ST6GALNAC3: variants seen among roughly 807,000 people sequenced by gnomAD.
The protein encoded by ST6GALNAC3 is ST6 N-acetylgalactosaminide alpha-2,6-sialyltransferase 3.
In ST6GALNAC3, 25 loss-of-function variants were observed where a neutral mutation model predicts 32.7. The ratio of observed to expected loss-of-function variants is 0.76; its 90% CI spans 0.56 to 1.07. ST6GALNAC3 has a LOEUF of 1.07. Among genes scored for constraint, ST6GALNAC3 ranks in the 50% least tolerant of loss-of-function variants. The probability of loss-of-function intolerance (pLI) is 0.00; values close to 1 mark genes in which losing one functional copy is unlikely to be tolerated. For synonymous variants in ST6GALNAC3, 129 were observed against 133.1 expected, an observed-to-expected ratio of 0.97 and a Z score of 0.21; for missense variants, 355 against 382.4, an observed-to-expected ratio of 0.93 and a Z score of 0.60.
At chr1:76,490,813 G>C (rs930059442) in intron 3 of ST6GALNAC3, among the ~76,000 whole-genome samples, 1 of 151,828 alleles carries the variant, frequency 6.6e-6, no homozygotes, top group Non-Finnish European at 1.5e-5. Context: ...TGGGCCTGCA[G>C]TCTGGGAATA....
At chr1:76,227,683 G>A (rs1217114787) in intron 1 of ST6GALNAC3, among the ~76,000 whole-genome samples, 1 of 152,152 alleles carries the variant, frequency 6.6e-6, no homozygotes, top group East Asian at 1.9e-4. Context: ...TTGACTGTGC[G>A]AATTTCTGAC....
intron 1 of ST6GALNAC3, among the ~76,000 whole-genome samples, chr1:76,298,280 A>G (rs146137682): frequency 2.5e-4 from 38 of 152,164 alleles, no homozygotes; most frequent in Non-Finnish European, 4.9e-4. Flanking sequence ...GAGAAAATCT[A>G]TCTAAAAACT....
chr1:76,150,164 CT>C (rs372701598), intron 1 of ST6GALNAC3, among the ~76,000 whole-genome samples: 6 of 151,708 alleles, frequency 4.0e-5, no homozygotes, highest in East Asian at 3.9e-4. Context: ...CTACCCCTGC[CT>C]TTTTTTTTCC....
intron 2 of ST6GALNAC3, among the ~76,000 whole-genome samples, chr1:76,322,928 C>A (rs1003353768): frequency 2.6e-5 from 4 of 152,154 alleles, no homozygotes; most frequent in Non-Finnish European, 4.4e-5. Context: ...GCAACCTCCA[C>A]CTCCTCGGCT....
At chr1:76,419,133 G>A (rs760581491) in intron 3 of ST6GALNAC3, among the ~76,000 whole-genome samples, 4 of 151,914 alleles carry the variant, frequency 2.6e-5, no homozygotes, top group African/African-American at 4.8e-5. Flanking sequence ...TAAAACAAGA[G>A]CAACATCTCA....
intron 1 of ST6GALNAC3, among the ~76,000 whole-genome samples, chr1:76,145,147 A>G (rs1261361975): frequency 1.3e-5 from 2 of 152,140 alleles, no homozygotes; most frequent in Non-Finnish European, 2.9e-5. Context: ...CACTGTTATT[A>G]CAGTTTCCTG....
intron 1 of ST6GALNAC3, among the ~76,000 whole-genome samples, chr1:76,174,127 A>G (rs1557672449): frequency 1.3e-5 from 2 of 152,256 alleles, no homozygotes; most frequent in Admixed American, 6.5e-5. Context: ...AAAATGTGGT[A>G]CATATACACC....
chr1:76,311,446 A>T (rs766358683), intron 1 of ST6GALNAC3, among the ~76,000 whole-genome samples: 6 of 152,018 alleles, frequency 3.9e-5, no homozygotes, highest in Non-Finnish European at 7.4e-5. Flanking sequence ...CCATTCCCTG[A>T]CAGGACCCGG....
chr1:76,465,065 A>G (rs1266829285), intron 3 of ST6GALNAC3, among the ~76,000 whole-genome samples: 2 of 152,240 alleles, frequency 1.3e-5, no homozygotes, highest in Non-Finnish European at 2.9e-5. Context: ...CTCTTCCAAT[A>G]GAAACAGAGT....
At chr1:76,163,209 A>AC (rs544424207) in intron 1 of ST6GALNAC3, among the ~76,000 whole-genome samples, 320 of 152,328 alleles carry the variant, frequency 2.1e-3, no homozygotes, top group Non-Finnish European at 3.6e-3. Context: ...ACACTTAGTT[A>AC]TATGATTTTA....
intron 3 of ST6GALNAC3, among the ~76,000 whole-genome samples, chr1:76,504,099 G>A (rs1661334952): frequency 6.6e-6 from 1 of 152,090 alleles, no homozygotes; most frequent in Admixed American, 6.6e-5. Flanking sequence ...TCACAGTTCT[G>A]GAGACCAGAA....
At chr1:76,401,932 C>T (rs1023285993) in intron 2 of ST6GALNAC3, among the ~76,000 whole-genome samples, 1 of 152,162 alleles carries the variant, frequency 6.6e-6, no homozygotes, top group Non-Finnish European at 1.5e-5. Context: ...ATTACTAATG[C>T]CCCTGGGGCA....
chr1:76,522,890 C>T (rs1470402640), intron 3 of ST6GALNAC3, among the ~76,000 whole-genome samples: 1 of 152,150 alleles, frequency 6.6e-6, no homozygotes, highest in Admixed American at 6.6e-5. Flanking sequence ...GCAGACAGGC[C>T]TTCAGCTACT....
At chr1:76,204,640 C>T (rs750511078) in intron 1 of ST6GALNAC3, among the ~76,000 whole-genome samples, 27 of 152,110 alleles carry the variant, frequency 1.8e-4, no homozygotes, top group Non-Finnish European at 3.4e-4. Context: ...TCCTATTGCA[C>T]GACGTGTATC....
intron 1 of ST6GALNAC3, among the ~76,000 whole-genome samples, chr1:76,115,435 C>A (rs1335077925): frequency 6.6e-6 from 1 of 152,164 alleles, no homozygotes; most frequent in Non-Finnish European, 1.5e-5. Context: ...CAAAGCCATA[C>A]TTAGTATTAA....
chr1:76,075,046 T>G (rs1646794034), intron 1 of ST6GALNAC3, 162 bp downstream of exon 1: 1 of 904,894 alleles, frequency 1.1e-6, no homozygotes, highest in Non-Finnish European at 1.7e-6. Flanking sequence ...AGGGAGATTC[T>G]GAAACATGCA....
chr1:76,326,077 C>G (rs1002049603), intron 2 of ST6GALNAC3, among the ~76,000 whole-genome samples: 1 of 152,174 alleles, frequency 6.6e-6, no homozygotes, highest in African/African-American at 2.4e-5. Context: ...TTTATTCTTG[C>G]TCATGTTTTT....
intron 3 of ST6GALNAC3, among the ~76,000 whole-genome samples, chr1:76,532,577 A>G (rs1305867595): frequency 6.6e-6 from 1 of 152,200 alleles, no homozygotes; most frequent in Non-Finnish European, 1.5e-5. Flanking sequence ...CACATACTAT[A>G]TGAAACTTGC....
chr1:76,416,627 G>GTTTTTTTTTT (rs758529243), intron 3 of ST6GALNAC3, among the ~76,000 whole-genome samples: 3 of 113,464 alleles, frequency 2.6e-5, no homozygotes, highest in Non-Finnish European at 3.5e-5. Flanking sequence ...TGTGGGTTTT[G>GTTTTTTTTTT]TTTTTTTTTT....
Sources: gnomAD v4.1 joint callset for allele counts (sites outside exome capture counted in the v4.1 genomes callset) on GRCh38, gnomAD v4.1.1 for gene constraint, MANE v1.5 for transcripts, NCBI Gene and HGNC (gene_info 2026-07-23, HGNC 2026-07-21) for gene names.